Variants in MDGA2 observed in about 807,000 individuals in gnomAD.
The protein encoded by MDGA2 is MAM domain containing glycosylphosphatidylinositol anchor 2.
Under a neutral mutation model 117.8 loss-of-function variants are expected in MDGA2, and 40 were observed. The ratio of observed to expected loss-of-function variants is 0.34; its 90% CI spans 0.26 to 0.44. The LOEUF is 0.44. Ranked by LOEUF, MDGA2 falls within the 20% of genes least tolerant of loss-of-function variation. MDGA2 has a pLI of 1.00. For missense variants in MDGA2, 1,123 were observed against 1,250.6 expected (o/e 0.90, Z 1.54); for synonymous variants, 452 against 439.0 (o/e 1.03, Z -0.37).
At chr14:46,912,074 C>A (rs754776118) in intron 10 of MDGA2, among the ~76,000 whole-genome samples, 3 of 152,142 alleles carry the variant, frequency 2.0e-5, no homozygotes, top group Non-Finnish European at 4.4e-5. Context: ...GAGAAATCCA[C>A]AGACGAGGGA....
chr14:47,635,466 T>C (rs1327562237), intron 1 of MDGA2, among the ~76,000 whole-genome samples: 1 of 152,134 alleles, frequency 6.6e-6, no homozygotes, highest in Admixed American at 6.5e-5. Context: ...TAATACTTTT[T>C]AAAAGTAGGG....
chr14:47,361,301 T>G (rs1038518374), intron 1 of MDGA2, among the ~76,000 whole-genome samples: 23 of 146,144 alleles, frequency 1.6e-4, no homozygotes, highest in South Asian at 2.2e-4. Context: ...ATGTGAAGAG[T>G]CATCAGGAGG....
At chr14:47,552,257 G>C (rs992936090) in intron 1 of MDGA2, among the ~76,000 whole-genome samples, 2 of 152,058 alleles carry the variant, frequency 1.3e-5, no homozygotes, top group African/African-American at 4.8e-5. Flanking sequence ...TTTGACTGTC[G>C]TATGTATCCC....
chr14:47,571,648 AC>A (rs1896021958), intron 1 of MDGA2, among the ~76,000 whole-genome samples: 1 of 151,958 alleles, frequency 6.6e-6, no homozygotes. Flanking sequence ...GCAAACTAAC[AC>A]AAGAACAGAA....
intron 2 of MDGA2, among the ~76,000 whole-genome samples, chr14:47,224,823 G>C (rs1248205449): frequency 6.6e-6 from 1 of 152,132 alleles, no homozygotes; most frequent in East Asian, 1.9e-4. Flanking sequence ...GAGTTTATTA[G>C]AGTTTTCAAA....
intron 1 of MDGA2, among the ~76,000 whole-genome samples, chr14:47,372,750 T>C (rs926156351): frequency 2.0e-5 from 3 of 151,904 alleles, no homozygotes; most frequent in Non-Finnish European, 4.4e-5. Flanking sequence ...TAAAAACATA[T>C]GTAAAAAATG....
At chr14:47,336,761 T>C (rs895216518) in intron 1 of MDGA2, among the ~76,000 whole-genome samples, 1 of 152,032 alleles carries the variant, frequency 6.6e-6, no homozygotes, top group Non-Finnish European at 1.5e-5. Flanking sequence ...GCTTCTTTAA[T>C]AGTGCTCAAA....
chr14:46,947,479 G>A (rs991817727), intron 9 of MDGA2, among the ~76,000 whole-genome samples: 1 of 152,014 alleles, frequency 6.6e-6, no homozygotes, highest in East Asian at 1.9e-4. Context: ...TGGTTTGGCT[G>A]TGTCCCCACC....
At chr14:47,171,275 A>T in intron 3 of MDGA2, among the ~76,000 whole-genome samples, 1 of 152,136 alleles carries the variant, frequency 6.6e-6, no homozygotes. Flanking sequence ...CATAATACAA[A>T]CTATTTTTTT....
intron 3 of MDGA2, among the ~76,000 whole-genome samples, chr14:47,176,458 G>T (rs1043498498): frequency 6.6e-6 from 1 of 152,070 alleles, no homozygotes; most frequent in Non-Finnish European, 1.5e-5. Flanking sequence ...CAGATATATA[G>T]ATCAATGGAA....
chr14:47,653,409 T>C (rs777872844), intron 1 of MDGA2, among the ~76,000 whole-genome samples: 1 of 152,108 alleles, frequency 6.6e-6, no homozygotes, highest in African/African-American at 2.4e-5. Flanking sequence ...ATGTCGCTGG[T>C]GCTTAAAGAG....
At chr14:47,457,821 T>TTTG (rs1555324099) in intron 1 of MDGA2, among the ~76,000 whole-genome samples, 1 of 151,508 alleles carries the variant, frequency 6.6e-6, no homozygotes, top group Non-Finnish European at 1.5e-5. Context: ...TGTTTTTTTT[T>TTTG]TTTGTTTGTT....
intron 1 of MDGA2, among the ~76,000 whole-genome samples, chr14:47,355,975 C>T (rs1890985338): frequency 6.6e-6 from 1 of 152,164 alleles, no homozygotes; most frequent in African/African-American, 2.4e-5. Context: ...CTGAGGTAAG[C>T]TTGACCTGTA....
chr14:46,897,270 T>G (rs559993083), intron 10 of MDGA2, among the ~76,000 whole-genome samples: 1 of 152,278 alleles, frequency 6.6e-6, no homozygotes, highest in Non-Finnish European at 1.5e-5. Flanking sequence ...TTTTAACTTA[T>G]TATCAACCTC....
chr14:47,279,669 C>T (rs1377051281), intron 2 of MDGA2, among the ~76,000 whole-genome samples: 1 of 151,758 alleles, frequency 6.6e-6, no homozygotes, highest in Admixed American at 6.6e-5. Context: ...AAAAAAAAAT[C>T]ATGTTTTCCT....
intron 1 of MDGA2, among the ~76,000 whole-genome samples, chr14:47,394,550 A>G (rs1328239271): frequency 6.6e-6 from 1 of 152,200 alleles, no homozygotes; most frequent in African/African-American, 2.4e-5. Context: ...AGACTACTGT[A>G]TTGCTTTCTG....
At chr14:47,148,765 G>A (rs575032849) in intron 3 of MDGA2, among the ~76,000 whole-genome samples, 1 of 152,288 alleles carries the variant, frequency 6.6e-6, no homozygotes, top group East Asian at 1.9e-4. Flanking sequence ...CAGTCAACGA[G>A]CTCAAAATCT....
At chr14:47,299,543 C>T (rs1376104795) in intron 2 of MDGA2, 3 of 152,016 alleles carry the variant, frequency 2.0e-5, no homozygotes, top group Non-Finnish European at 4.4e-5. Context: ...TCCATGTCTA[C>T]AAAACAAAAA....
intron 5 of MDGA2, among the ~76,000 whole-genome samples, chr14:47,106,740 C>A (rs573652594): frequency 1.3e-5 from 2 of 150,848 alleles, no homozygotes; most frequent in East Asian, 1.9e-4. Flanking sequence ...AAGGTAAGCC[C>A]GTCCCCTTCT....
Sources: gnomAD v4.1 joint callset for allele counts (sites outside exome capture counted in the v4.1 genomes callset) on GRCh38, gnomAD v4.1.1 for gene constraint, MANE v1.5 for transcripts, NCBI Gene and HGNC (gene_info 2026-07-23, HGNC 2026-07-21) for gene names.